The following EIF4E3 variants were observed in gnomAD, a reference collection of about 807,000 sequenced individuals.
EIF4E3 encodes eukaryotic translation initiation factor 4E type 3.
EIF4E3 carries 26 observed loss-of-function variants against 31.7 expected under a neutral mutation model. That is an observed-to-expected ratio of 0.82 (90% CI 0.60 to 1.14). The LOEUF (loss-of-function observed/expected upper bound fraction) is 1.14. EIF4E3 is among the 50% of genes most tolerant of loss of function. The pLI, the probability that EIF4E3 is intolerant of heterozygous loss-of-function variation, is 0.00. For missense variants in EIF4E3, 304 were observed against 270.9 expected (o/e 1.12, Z -0.86); for synonymous variants, 128 against 107.7 (o/e 1.19, Z -1.17).
intron 6 of EIF4E3, among the ~76,000 whole-genome samples, chr3:71,685,514 A>ACCACGT (rs961234601): frequency 6.6e-6 from 1 of 152,086 alleles, no homozygotes; most frequent in African/African-American, 2.4e-5. Context: ...GGCGTGTGCC[A>ACCACGT]CCACGTCCAG....
chr3:71,725,477 G>GCCCC (rs2049624142), upstream of EIF4E3: 6 of 597,996 alleles, frequency 1.0e-5, no homozygotes, highest in Non-Finnish European at 1.2e-5. The surrounding 1 kb of genome is among the most constrained non-coding windows in gnomAD (Gnocchi z 6.1). Context: ...GCCCCGCCCC[G>GCCCC]GGCTAGCCGC....
At chr3:71,664,141 A>G in the EIF4E3 span, among the ~76,000 whole-genome samples, 1 of 152,248 alleles carries the variant, frequency 6.6e-6, no homozygotes, top group South Asian at 2.1e-4. Flanking sequence ...GGCAATGGGG[A>G]GCCACTGCAT....
rs139462763 is a variant in EIF4E3, at chr3:71,721,251, C to T, written c.176+3941G>A. Among the ~76,000 whole-genome samples the T allele has an allele frequency of 2.6e-4, 39 of 152,282 alleles. 1 individual carries two copies. The highest frequency in any genetic ancestry group is 7.7e-4 in the East Asian group (4 of 5,188). On this transcript the variant is annotated intron_variant, in intron 1 of 6. Coordinates refer to ENST00000425534, the MANE Select transcript of EIF4E3 (RefSeq NM_001134651.2). The stretch of plus-strand genomic sequence containing the variant: ...AACACCCTGTTCAGGGTATTCAGTG[C>T]GGACTGACTTGTGCTAGGCTCCAAT...
At chr3:71,662,325 T>C in the EIF4E3 span, among the ~76,000 whole-genome samples, 78,050 of 138,208 alleles carry the variant, frequency 0.56, 21,374 homozygotes, top group East Asian at 0.87. Context: ...TGGGCAAGTC[T>C]CTGCACCTTT....
chr3:71,706,906 A>G lies in EIF4E3; in HGVS notation c.249+3506T>C, dbSNP rs1371128636. On this transcript the variant is annotated intron_variant, in intron 2 of 6. Coordinates refer to ENST00000425534, the MANE Select transcript of EIF4E3 (RefSeq NM_001134651.2). ...AGCATATCCTCAAATTACTTACAAG[A>G]TAGTATCCTGGCCAGTTCTTAAATA... Among the ~76,000 whole-genome samples the G allele has an allele frequency of 2.6e-5, 4 of 152,340 alleles. No individual in the cohort carries two copies. In the East Asian group the frequency reaches 7.7e-4, roughly 29 times the overall value.
At chr3:71,745,173 C>G (rs766541929) in intron 1 of EIF4E3, among the ~76,000 whole-genome samples, 4 of 152,356 alleles carry the variant, frequency 2.6e-5, no homozygotes, top group Admixed American at 6.5e-5. Flanking sequence ...TCCTTAACAA[C>G]TGTTACAATT....
At chr3:71,713,700 G>A (rs1194381295) in intron 1 of EIF4E3, among the ~76,000 whole-genome samples, 1 of 152,152 alleles carries the variant, frequency 6.6e-6, no homozygotes, top group South Asian at 2.1e-4. Flanking sequence ...GCCTCCCAAA[G>A]TACTGGTATT....
At chr3:71,723,022 G>T (rs1467394850) in intron 1 of EIF4E3, among the ~76,000 whole-genome samples, 2 of 152,180 alleles carry the variant, frequency 1.3e-5, no homozygotes, top group East Asian at 3.8e-4. Flanking sequence ...AGTAGGACAG[G>T]CCGGGAGGTA....
intron 1 of EIF4E3, among the ~76,000 whole-genome samples, chr3:71,720,946 TTCAAGGA>T (rs1459904503): frequency 4.6e-5 from 7 of 152,124 alleles, no homozygotes; most frequent in Admixed American, 6.5e-5. Context: ...AGAAAGAAGA[TTCAAGGA>T]TCAAATGGAA....
the EIF4E3 span, among the ~76,000 whole-genome samples, chr3:71,661,603 C>T: frequency 3.3e-5 from 5 of 152,266 alleles, no homozygotes; most frequent in African/African-American, 7.2e-5. Context: ...GGAATCCAAC[C>T]GCAATGGGCT....
chr3:71,754,355 C>A (rs755310150), upstream of EIF4E3: 1 of 1,314,082 alleles, frequency 7.6e-7, no homozygotes, highest in Admixed American at 2.7e-5. This position sits in a 1 kb window ranked among gnomAD's most constrained non-coding sequence, Gnocchi z 5.8. Context: ...CCTTCCTGGC[C>A]GCGCTCTTCT....
chr3:71,719,563 T>G (rs972393296), intron 1 of EIF4E3, among the ~76,000 whole-genome samples: 2 of 151,310 alleles, frequency 1.3e-5, no homozygotes, highest in African/African-American at 4.9e-5. Flanking sequence ...CTGCAAATAC[T>G]CAGCACCTAC....
In EIF4E3 at chr3:71,677,757, C is replaced by T. The variant is rs545691616; in HGVS notation, c.*6925G>A. On this transcript the variant is annotated 3_prime_UTR_variant, in exon 7 of 7. Coordinates refer to ENST00000425534, the MANE Select transcript of EIF4E3 (RefSeq NM_001134651.2). ...TGAATGGAAGAAGAGTTTGTTGGTA[C>T]GTTTTGTTTGTTTTTAAAGGAATAT... 7.9e-5 allele frequency: 12 copies of T among 152,120 alleles called. No individual in the cohort carries two copies. The highest frequency in any genetic ancestry group is 2.2e-4 in the African/African-American group (9 of 41,462). 9.4% of individuals were successfully genotyped at this position (152,120 alleles called of 1,614,324 possible).
At chr3:71,699,128 G>T (rs1240354254) in intron 3 of EIF4E3, among the ~76,000 whole-genome samples, 3 of 152,124 alleles carry the variant, frequency 2.0e-5, no homozygotes, top group Non-Finnish European at 4.4e-5. Flanking sequence ...TTGGGAGGCT[G>T]AGGTGGGAGG....
chr3:71,672,033 C>T (rs147279482), downstream of EIF4E3, among the ~76,000 whole-genome samples: 1 of 152,290 alleles, frequency 6.6e-6, no homozygotes, highest in East Asian at 1.9e-4. Flanking sequence ...AGGCTTATTT[C>T]GCCCTCTCAC....
At chr3:71,748,458 G>A (rs968512136) in intron 1 of EIF4E3, among the ~76,000 whole-genome samples, 8 of 152,132 alleles carry the variant, frequency 5.3e-5, no homozygotes, top group African/African-American at 1.9e-4. Flanking sequence ...AGTATATAGG[G>A]AGTCCCTGGA....
chr3:71,707,210 A>C (rs1268410326), intron 2 of EIF4E3, among the ~76,000 whole-genome samples: 1 of 152,228 alleles, frequency 6.6e-6, no homozygotes, highest in Non-Finnish European at 1.5e-5. Context: ...TTTAAGTCTC[A>C]TAACAGCATG....
At chr3:71,690,503 G>A (rs1029864053) in intron 5 of EIF4E3, among the ~76,000 whole-genome samples, 2 of 152,112 alleles carry the variant, frequency 1.3e-5, no homozygotes, top group Non-Finnish European at 2.9e-5. Context: ...TTCTAAAATG[G>A]GTTGCATAAT....
At chr3:71,687,489 C>T (rs2049008537) in intron 6 of EIF4E3, among the ~76,000 whole-genome samples, 1 of 152,104 alleles carries the variant, frequency 6.6e-6, no homozygotes, top group Non-Finnish European at 1.5e-5. Flanking sequence ...ATGTAAAAAG[C>T]ATTCTCAGCT....
Sources: allele counts gnomAD v4.1 joint callset (sites outside exome capture counted in the v4.1 genomes callset), GRCh38; gene constraint gnomAD v4.1.1; non-coding constraint Gnocchi (gnomAD v3.1); transcripts MANE v1.5; gene names NCBI Gene and HGNC (gene_info 2026-07-23, HGNC 2026-07-21).